MALRD1: variants seen among roughly 807,000 people sequenced by gnomAD.
The protein encoded by MALRD1 is MAM and LDL-receptor class A domain-containing protein 1.
A neutral mutation model predicts 242.1 loss-of-function variants in MALRD1; 247 were observed. That is an observed-to-expected ratio of 1.02 (90% CI 0.92 to 1.13). MALRD1 has a LOEUF of 1.13. Among genes scored for constraint, MALRD1 ranks in the 50% most tolerant of loss-of-function variants. The probability of loss-of-function intolerance (pLI) is 0.00; values close to 1 mark genes in which losing one functional copy is unlikely to be tolerated. For synonymous variants in MALRD1, 995 were observed against 866.6 expected (o/e 1.15, Z -2.60); for missense variants, 2,989 against 2,533.1 (o/e 1.18, Z -3.86).
At chr10:19,065,470 T>C (rs996671060) in intron 1 of MALRD1, among the ~76,000 whole-genome samples, 6 of 152,000 alleles carry the variant, frequency 3.9e-5, no homozygotes, top group African/African-American at 1.4e-4. Flanking sequence ...GGAATTGTTT[T>C]TGTAGCTATC....
intron 11 of MALRD1, among the ~76,000 whole-genome samples, chr10:19,146,814 C>A (rs1300078408): frequency 6.6e-6 from 1 of 152,136 alleles, no homozygotes; most frequent in Admixed American, 6.5e-5. Flanking sequence ...CAGTCTTATT[C>A]TTCCACATAT....
Position 19,102,417 on chromosome 10 carries a change from A to G in MALRD1, c.598-1562A>G, listed in dbSNP as rs114205372. Among the ~76,000 whole-genome samples the G allele has an allele frequency of 2.7e-3, 414 of 152,138 alleles. 1 individual carries two copies. The highest frequency in any genetic ancestry group is 9.5e-3 in the African/African-American group (396 of 41,508). ...TGACAGATTTTTCTATAGGTTGTGG[A>G]TGTTTCTCAGTGGACTTTTAATAGA... is the stretch of plus-strand genomic sequence containing the variant. On this transcript the variant is annotated intron_variant, in intron 4 of 39. Coordinates refer to ENST00000454679, the MANE Select transcript of MALRD1 (RefSeq NM_001142308.3).
chr10:19,489,558 A>G (rs1040436920), intron 29 of MALRD1, among the ~76,000 whole-genome samples: 1 of 152,166 alleles, frequency 6.6e-6, no homozygotes. Context: ...CTATTTTTTA[A>G]GTGTAAATGC....
At chr10:19,149,074 G>A (rs375112450) in intron 11 of MALRD1, among the ~76,000 whole-genome samples, 17 of 108,334 alleles carry the variant, frequency 1.6e-4, no homozygotes, top group East Asian at 8.8e-4. Context: ...CTGTCTATCT[G>A]TCCATCTATC....
At chr10:19,210,480 T>C (rs1374531011) in intron 18 of MALRD1, among the ~76,000 whole-genome samples, 1 of 152,198 alleles carries the variant, frequency 6.6e-6, no homozygotes, top group African/African-American at 2.4e-5. Flanking sequence ...ATAGAGCCTA[T>C]AACATGCAGG....
rs1465113210 is a variant in MALRD1, at chr10:19,331,520, A to G, written c.3839A>G (p.Asp1280Gly). 3 of 1,550,342 alleles carry G rather than the reference A, an allele frequency of 1.9e-6. No individual in the cohort carries two copies. Among genetic ancestry groups the G allele is most frequent in the Non-Finnish European group, 2.6e-6 (3 of 1,146,820 alleles). The change falls in exon 24 of 40, where the codon GAC becomes GGC. Residue 1280 changes from aspartate (D) to glycine (G), a missense_variant. Physicochemically the swap from Asp to Gly is moderately conservative, Grantham distance 94 (BLOSUM62 -1). Transcript: ENST00000454679. Reference sequence around the variant, plus strand: ...GCTAATAAGCACTGCATTGCCAAAGACAAGCTGTGTGATTTTGTGAATGAT... The same window carrying G: ...GCTAATAAGCACTGCATTGCCAAAGGCAAGCTGTGTGATTTTGTGAATGAT... The part of the protein sequence containing the change: ...MCANKHCIAK[D>G]KLCDFVNDCA...
chr10:19,304,053 G>A (rs1430408072), intron 21 of MALRD1, among the ~76,000 whole-genome samples: 1 of 151,576 alleles, frequency 6.6e-6, no homozygotes, highest in Non-Finnish European at 1.5e-5. Context: ...GGTATGTGAG[G>A]GTGTTTCTGG....
intron 38 of MALRD1, among the ~76,000 whole-genome samples, chr10:19,693,745 C>G (rs955230788): frequency 6.6e-6 from 1 of 151,978 alleles, no homozygotes; most frequent in Non-Finnish European, 1.5e-5. Context: ...CATATGGAAC[C>G]AAAAAAGAGC....
chr10:19,654,140 A>G (rs1841023619), intron 36 of MALRD1, among the ~76,000 whole-genome samples: 1 of 152,156 alleles, frequency 6.6e-6, no homozygotes, highest in South Asian at 2.1e-4. Context: ...TGACAAAATG[A>G]TTTATCACCT....
rs571909300 is a variant in MALRD1, at chr10:19,423,132, C to T, written c.4846-27175C>T. ...ATTTAGCAAGTTTTGGGAAGCCTAG[C>T]AATGGCTGTTTGAGGATCATCTAAA... is the stretch of plus-strand genomic sequence containing the variant. On this transcript the variant is annotated intron_variant, in intron 28 of 39. Coordinates refer to ENST00000454679, the MANE Select transcript of MALRD1 (RefSeq NM_001142308.3). Among the ~76,000 whole-genome samples, 63 of 152,084 alleles carry T rather than the reference C, an allele frequency of 4.1e-4. 1 individual carries two copies. The highest frequency in any genetic ancestry group is 7.1e-4 in the Non-Finnish European group (48 of 68,002).
chr10:19,520,776 G>A (rs951963612), intron 31 of MALRD1, among the ~76,000 whole-genome samples: 1 of 151,910 alleles, frequency 6.6e-6, no homozygotes, highest in Admixed American at 6.6e-5. Flanking sequence ...ATTATCTACA[G>A]CTGCTCTATA....
chr10:19,263,521 T>A (rs761474347), intron 19 of MALRD1, among the ~76,000 whole-genome samples: 3 of 152,178 alleles, frequency 2.0e-5, no homozygotes, highest in African/African-American at 4.8e-5. Context: ...GTTTTTGCTG[T>A]TGAGTTGTAT....
intron 38 of MALRD1, chr10:19,711,058 T>C (rs1206857426): frequency 6.6e-6 from 1 of 152,248 alleles, no homozygotes; most frequent in African/African-American, 2.4e-5. Flanking sequence ...GAATCAGTAA[T>C]GTTACCAAGG....
chr10:19,456,366 A>G (rs1435576080), intron 29 of MALRD1, among the ~76,000 whole-genome samples: 1 of 149,368 alleles, frequency 6.7e-6, no homozygotes, highest in Non-Finnish European at 1.5e-5. Context: ...TTTCCTGTTA[A>G]AAACTGTATG....
intron 28 of MALRD1, among the ~76,000 whole-genome samples, chr10:19,397,816 T>A (rs1846654250): frequency 6.6e-6 from 1 of 152,004 alleles, no homozygotes; most frequent in Non-Finnish European, 1.5e-5. Flanking sequence ...CTAACACTTC[T>A]TTATCTTTTG....
intron 28 of MALRD1, among the ~76,000 whole-genome samples, chr10:19,394,769 T>C (rs551321567): frequency 6.6e-6 from 1 of 152,164 alleles, no homozygotes; most frequent in Non-Finnish European, 1.5e-5. Context: ...CTTCTAAAAG[T>C]TTTGGATTTT....
intron 2 of MALRD1, among the ~76,000 whole-genome samples, chr10:19,080,976 A>G (rs928698986): frequency 1.3e-5 from 2 of 152,162 alleles, no homozygotes; most frequent in African/African-American, 2.4e-5. Flanking sequence ...ACACTTCTCA[A>G]AGAAAACATT....
chr10:19,573,595 A>G (rs1456809878), intron 33 of MALRD1, among the ~76,000 whole-genome samples: 1 of 152,108 alleles, frequency 6.6e-6, no homozygotes, highest in Non-Finnish European at 1.5e-5. Context: ...CCCCTAAAAA[A>G]GAAAAAATTT....
chr10:19,261,903 A>G (rs1839766743), intron 19 of MALRD1, among the ~76,000 whole-genome samples: 1 of 151,946 alleles, frequency 6.6e-6, no homozygotes, highest in East Asian at 1.9e-4. Context: ...ACTGACTACA[A>G]CTGCAAGATA....
Sources: gnomAD v4.1 joint callset for allele counts (sites outside exome capture counted in the v4.1 genomes callset) on GRCh38, gnomAD v4.1.1 for gene constraint, MANE v1.5 for transcripts, NCBI Gene and HGNC (gene_info 2026-07-23, HGNC 2026-07-21) for gene names.